The following ITFG1 variants were observed in gnomAD, a reference collection of about 807,000 sequenced individuals.
ITFG1 encodes the protein T-cell immunomodulatory protein.
In ITFG1, 34 loss-of-function variants were observed where a neutral mutation model predicts 81.8. That is an observed-to-expected ratio of 0.42 (90% CI 0.32 to 0.55). The LOEUF (loss-of-function observed/expected upper bound fraction) is 0.55. Among genes scored for constraint, ITFG1 ranks in the 20% least tolerant of loss-of-function variants. The probability of loss-of-function intolerance (pLI) is 0.17; values close to 1 mark genes in which losing one functional copy is unlikely to be tolerated. For missense variants in ITFG1, 672 were observed against 755.4 expected, an observed-to-expected ratio of 0.89 and a Z score of 1.29; for synonymous variants, 285 against 270.6, an observed-to-expected ratio of 1.05 and a Z score of -0.52.
At chr16:47,330,391 T>C (rs928747383) in intron 8 of ITFG1, among the ~76,000 whole-genome samples, 17 of 152,034 alleles carry the variant, frequency 1.1e-4, no homozygotes, top group Middle Eastern at 3.2e-3. Context: ...AGGAAAAGAA[T>C]TTATGACTAA....
In ITFG1 at chr16:47,454,143, C is replaced by G; in HGVS notation, c.297G>C (p.Leu99Phe). 2 of 1,604,736 alleles carry G rather than the reference C, an allele frequency of 1.2e-6. No individual in the cohort carries two copies. The highest frequency in any genetic ancestry group is 1.7e-6 in the Non-Finnish European group (2 of 1,174,052). ...VKVSFKNHSA[L>F]ITSVVPGDYD... ...AATCCCCAGGGACTACACTTGTTAT[C>G]AATGCACTGTGATTCCTAAAAGAAA... Residue 99 changes from leucine to phenylalanine, a missense_variant, in exon 3 of 18, where the codon TTG (leucine) becomes TTC (phenylalanine). Transcript: ENST00000320640.
intron 13 of ITFG1, among the ~76,000 whole-genome samples, chr16:47,219,348 T>C (rs1965663446): frequency 6.6e-6 from 1 of 152,102 alleles, no homozygotes; most frequent in African/African-American, 2.4e-5. Context: ...ATAATTACGA[T>C]AGAATAAAAA....
chr16:47,351,596 T>C (rs1967955515), intron 8 of ITFG1, among the ~76,000 whole-genome samples: 2 of 152,200 alleles, frequency 1.3e-5, no homozygotes, highest in South Asian at 2.1e-4. Context: ...TCCATGCTCA[T>C]GGATAGGAAG....
At chr16:47,229,536 T>C (rs1192778890) in intron 13 of ITFG1, among the ~76,000 whole-genome samples, 1 of 152,120 alleles carries the variant, frequency 6.6e-6, no homozygotes, top group Non-Finnish European at 1.5e-5. Flanking sequence ...CACTGAAGGT[T>C]TGTGTTTTAG....
At chr16:47,370,963 T>C (rs564093039) in intron 7 of ITFG1, among the ~76,000 whole-genome samples, 1 of 152,340 alleles carries the variant, frequency 6.6e-6, no homozygotes, top group Admixed American at 6.5e-5. Flanking sequence ...TATGGAACAC[T>C]AGAAATTATT....
intron 8 of ITFG1, among the ~76,000 whole-genome samples, chr16:47,315,829 C>T (rs889011399): frequency 4.1e-5 from 6 of 147,376 alleles, no homozygotes; most frequent in African/African-American, 1.3e-4. Context: ...CTTGCTCTGC[C>T]GCTCAGGCTG....
chr16:47,404,123 T>C (rs560437772), intron 6 of ITFG1, among the ~76,000 whole-genome samples: 41 of 152,110 alleles, frequency 2.7e-4, no homozygotes, highest in African/African-American at 9.2e-4. Context: ...CAAGAACCAT[T>C]CTCTGGGGCC....
intron 5 of ITFG1, among the ~76,000 whole-genome samples, chr16:47,442,212 G>A (rs921639211): frequency 3.3e-5 from 5 of 152,070 alleles, no homozygotes; most frequent in South Asian, 2.1e-4. Flanking sequence ...CATTCCATGC[G>A]CATGGGTAGG....
At chr16:47,445,954 G>T (rs1346652722) in intron 5 of ITFG1, among the ~76,000 whole-genome samples, 8 of 151,982 alleles carry the variant, frequency 5.3e-5, no homozygotes, top group Non-Finnish European at 8.8e-5. Context: ...TCAATTCCCA[G>T]ATTTAGCATT....
chr16:47,181,275 C>G lies in ITFG1; in HGVS notation c.1454-18611G>C, dbSNP rs577137507. Among the ~76,000 whole-genome samples, 692 of 149,718 alleles carry G rather than the reference C, an allele frequency of 4.6e-3. 4 individuals carry two copies. The highest frequency in any genetic ancestry group is 7.2e-3 in the Non-Finnish European group (486 of 67,644). On this transcript the variant is annotated intron_variant, in intron 14 of 17. Transcript: ENST00000320640. ...CCCCTCCGCCCGGCAGCCACCCCGT[C>G]TGGGAAGTGAGGAGCGTCTCTGTCT...
At chr16:47,350,831 C>T (rs1016962196) in intron 8 of ITFG1, among the ~76,000 whole-genome samples, 4 of 152,142 alleles carry the variant, frequency 2.6e-5, no homozygotes, top group Admixed American at 2.0e-4. Context: ...TACTGACAAA[C>T]CGAATCCAGC....
At chr16:47,438,974 G>C (rs892282861) in intron 5 of ITFG1, among the ~76,000 whole-genome samples, 1 of 152,156 alleles carries the variant, frequency 6.6e-6, no homozygotes, top group African/African-American at 2.4e-5. Flanking sequence ...AATAAACAAT[G>C]CAGAGAAGCC....
chr16:47,221,412 C>G (rs1322027827), intron 13 of ITFG1, among the ~76,000 whole-genome samples: 1 of 152,088 alleles, frequency 6.6e-6, no homozygotes, highest in African/African-American at 2.4e-5. Context: ...ATTGAACCAG[C>G]CTTGCATCCC....
At chr16:47,456,563 G>A (rs111594296) in intron 2 of ITFG1, among the ~76,000 whole-genome samples, 59 of 152,190 alleles carry the variant, frequency 3.9e-4, no homozygotes, top group African/African-American at 1.3e-3. Flanking sequence ...GTGGCGTTGT[G>A]CACCTGTAGT....
intron 14 of ITFG1, among the ~76,000 whole-genome samples, chr16:47,185,285 A>T (rs1045634493): frequency 2.6e-5 from 4 of 152,226 alleles, no homozygotes; most frequent in African/African-American, 9.7e-5. Context: ...GACCTAATAG[A>T]CAGCTACAGA....
At chr16:47,402,755 C>T (rs964013529) in intron 6 of ITFG1, among the ~76,000 whole-genome samples, 6 of 152,050 alleles carry the variant, frequency 3.9e-5, no homozygotes, top group African/African-American at 1.2e-4. Flanking sequence ...TTTTTTAATT[C>T]TAAAATTATA....
intron 5 of ITFG1, among the ~76,000 whole-genome samples, chr16:47,429,288 G>C (rs545407474): frequency 6.6e-6 from 1 of 152,302 alleles, no homozygotes; most frequent in Non-Finnish European, 1.5e-5. Context: ...ATGTATCAGT[G>C]CCTCAGTTCT....
intron 12 of ITFG1, among the ~76,000 whole-genome samples, chr16:47,246,689 G>A (rs1389313777): frequency 6.6e-6 from 1 of 152,186 alleles, no homozygotes; most frequent in East Asian, 1.9e-4. Context: ...TGTAAGGTAG[G>A]AAAATATGTC....
At position 47,327,704 on chromosome 16, in the gene ITFG1, A is replaced by G. The variant is rs533032269; in HGVS notation, c.803-13881T>C. ...ACTTCTCAAAAGAAGACATTTATGC[A>G]GCCAAAAAACACATGAAAAAATGCT... On this transcript the variant is annotated intron_variant, in intron 8 of 17. Transcript: ENST00000320640. 2.4e-4 allele frequency among the ~76,000 whole-genome samples: 36 copies of G among 152,348 alleles called. No homozygotes were observed. The South Asian group carries it at 6.4e-3, about 27-fold the overall frequency.
Sources: gnomAD v4.1 joint callset for allele counts (sites outside exome capture counted in the v4.1 genomes callset) on GRCh38, gnomAD v4.1.1 for gene constraint, MANE v1.5 for transcripts, NCBI Gene and HGNC (gene_info 2026-07-23, HGNC 2026-07-21) for gene names.